MMP2: variants seen among roughly 807,000 people sequenced by gnomAD.
MMP2 encodes the protein 72 kDa type IV collagenase.
A neutral mutation model predicts 74.8 loss-of-function variants in MMP2; 39 were observed. That is an observed-to-expected ratio of 0.52 (90% CI 0.40 to 0.68). The LOEUF (loss-of-function observed/expected upper bound fraction) is 0.68, where lower values mean the gene tolerates loss of function less well. MMP2 is among the 30% of genes least tolerant of loss of function. MMP2 has a pLI of 0.00. For synonymous variants in MMP2, 367 were observed against 339.8 expected (o/e 1.08, Z -0.88); for missense variants, 803 against 878.3 (o/e 0.91, Z 1.08).
Position 55,496,880 on chromosome 16 carries a change from G to C in MMP2, c.1473-46G>C, listed in dbSNP as rs17859972. The stretch of plus-strand genomic sequence containing the variant: ...GGGGGTGTGTGTGGTTCGAGCTGCA[G>C]GGTGACTGAAGATGTGGTTTCCTGT... On this transcript the variant is annotated intron_variant, in intron 9 of 12. Coordinates refer to ENST00000219070, the MANE Select transcript of MMP2 (RefSeq NM_004530.6). The C allele has an allele frequency of 2.5e-6, 4 of 1,610,820 alleles. No homozygotes were observed. In the South Asian group the frequency reaches 4.4e-5, roughly 18 times the overall value.
chr16:55,501,162 CT>C (rs1208183584), intron 11 of MMP2, among the ~76,000 whole-genome samples: 3 of 152,216 alleles, frequency 2.0e-5, no homozygotes. Context: ...CTGTTAGCTC[CT>C]TTTCCCAAGT....
chr16:55,493,840 A>G (rs1567379154), intron 9 of MMP2, among the ~76,000 whole-genome samples: 1 of 152,232 alleles, frequency 6.6e-6, no homozygotes, highest in Non-Finnish European at 1.5e-5. Context: ...TTGCCCTCAA[A>G]TGGCCAAATT....
chr16:55,502,980 G>GGGCA (rs1317518512), intron 12 of MMP2, 92 bp downstream of exon 12: 12 of 1,043,590 alleles, frequency 1.1e-5, no homozygotes, highest in African/African-American at 3.1e-5. Context: ...TTATTGTGCA[G>GGGCA]GGCAGGCAGG....
intron 12 of MMP2, 108 bp downstream of exon 12, chr16:55,502,996 G>C: frequency 1.1e-6 from 1 of 891,384 alleles, no homozygotes; most frequent in Non-Finnish European, 1.8e-6. Context: ...GCAGGCAGGC[G>C]GCGCCCAGGA....
At chr16:55,480,783 C>G (rs1336385977) in intron 1 of MMP2, among the ~76,000 whole-genome samples, 1 of 152,186 alleles carries the variant, frequency 6.6e-6, no homozygotes, top group East Asian at 1.9e-4. Context: ...GACAACTACC[C>G]TCTCCCAACT....
At chr16:55,493,073 G>A in intron 8 of MMP2, 85 bp from the exon 9 acceptor site, 1 of 1,535,894 alleles carries the variant, frequency 6.5e-7, no homozygotes, top group Non-Finnish European at 8.9e-7. Context: ...ACTCTTAGAT[G>A]GTTGGGTGGG....
chr16:55,479,760 TG>T (rs1430737163), intron 1 of MMP2, 128 bp downstream of exon 1: 4 of 1,208,024 alleles, frequency 3.3e-6, no homozygotes, highest in Non-Finnish European at 4.8e-6. Context: ...GTAAACAGCT[TG>T]GGGGGTCTTT....
At chr16:55,483,199 A>G in intron 2 of MMP2, 64 bp downstream of exon 2, 1 of 1,322,218 alleles carries the variant, frequency 7.6e-7, no homozygotes, top group African/African-American at 1.5e-5. Flanking sequence ...TCCTTGACCC[A>G]TGCATTCTCT....
At chr16:55,484,291 C>T in intron 3 of MMP2, 127 bp downstream of exon 3, 1 of 1,169,300 alleles carries the variant, frequency 8.6e-7, no homozygotes, top group Non-Finnish European at 1.2e-6. Flanking sequence ...TGGTGTGGGC[C>T]CTGGGGGTGG....
intron 1 of MMP2, chr16:55,481,478 T>A: frequency 5.3e-6 from 1 of 188,686 alleles, no homozygotes; most frequent in East Asian, 1.3e-4. Flanking sequence ...CATCCTGTTT[T>A]ATCATAGGGG....
At position 55,484,008 on chromosome 16, in the gene MMP2, A is replaced by T; in HGVS notation, c.381-8A>T. On this transcript the variant is annotated splice_region_variant and splice_polypyrimidine_tract_variant and intron_variant, in intron 2 of 12. Transcript: ENST00000219070. ...ATACACACTCACATGCAGTTCTACCACCTCCAGGATCATTGGCTACACACC... is the reference window on the plus strand; with the variant it reads ...ATACACACTCACATGCAGTTCTACCTCCTCCAGGATCATTGGCTACACACC... The T allele has an allele frequency of 6.2e-7, 1 of 1,613,996 alleles. No homozygotes were observed. Among genetic ancestry groups the T allele is most frequent in the Non-Finnish European group, 8.5e-7 (1 of 1,179,942 alleles).
Position 55,505,647 on chromosome 16 carries a change from A to G in MMP2, c.*205A>G. ...AATAGATGCTGACTGTACTCCTCCC[A>G]GGCGCCCCTTCCCCCTCCAATCCCA... On this transcript the variant is annotated 3_prime_UTR_variant, in exon 13 of 13. Transcript: ENST00000219070. 1.7e-6 allele frequency: 1 copy of G among 605,922 alleles called. No individual in the cohort carries two copies. The allele number at this position is 605,922 out of a possible 1,614,324, so 37.5% of individuals were successfully genotyped here.
intron 7 of MMP2, among the ~76,000 whole-genome samples, chr16:55,491,248 C>T (rs12923011): frequency 0.27 from 41,216 of 151,864 alleles, 6,783 homozygotes; most frequent in Non-Finnish European, 0.37. Context: ...TCTGGGGGGA[C>T]GCATTTAACC....
chr16:55,504,382 C>T (rs756379589), intron 12 of MMP2, among the ~76,000 whole-genome samples: 23 of 152,102 alleles, frequency 1.5e-4, no homozygotes, highest in Non-Finnish European at 2.5e-4. Flanking sequence ...ACCTCTGGTA[C>T]ATGGAATGTG....
At position 55,479,319 on chromosome 16, in the gene MMP2, G is replaced by C. The variant is rs1205563473; in HGVS notation, c.-161G>C. On this transcript the variant is annotated 5_prime_UTR_variant, in exon 1 of 13. Coordinates refer to ENST00000219070, the MANE Select transcript of MMP2 (RefSeq NM_004530.6). ...CGGCGGGGGCTGGGGCGCGGGGGCCGGACCATGAGCCGCTGAGCCGGGCAA... is the reference window on the plus strand; with the variant it reads ...CGGCGGGGGCTGGGGCGCGGGGGCCCGACCATGAGCCGCTGAGCCGGGCAA... The C allele has an allele frequency of 1.2e-6, 1 of 816,456 alleles. No homozygotes were observed. Among genetic ancestry groups the C allele is most frequent in the African/African-American group, 1.8e-5 (1 of 55,322 alleles). The allele number at this position is 816,456 out of a possible 1,614,324, so 50.6% of individuals were successfully genotyped here. A position where few individuals can be genotyped will look rare whatever the true frequency, so the allele number is the denominator to read the frequency against.
chr16:55,481,620 C>T, intron 1 of MMP2: 1 of 480,356 alleles, frequency 2.1e-6, no homozygotes, highest in Middle Eastern at 4.8e-4. Flanking sequence ...ACCCAGCCCC[C>T]CACTCAAGAT....
chr16:55,498,597 C>A, intron 11 of MMP2, 149 bp downstream of exon 11: 2 of 981,120 alleles, frequency 2.0e-6, no homozygotes, highest in Non-Finnish European at 3.2e-6. Context: ...TGGTCTCTGG[C>A]ACCTCTGAGA....
chr16:55,484,216 G>A (rs1032463069), intron 3 of MMP2, 52 bp downstream of exon 3: 24 of 1,589,578 alleles, frequency 1.5e-5, no homozygotes, highest in African/African-American at 1.2e-4. Context: ...GTGTTGAGAC[G>A]AGGGGGTGAG....
At chr16:55,488,373 T>C in intron 5 of MMP2, 170 bp from the exon 6 acceptor site, 1 of 685,558 alleles carries the variant, frequency 1.5e-6, no homozygotes, top group Non-Finnish European at 2.5e-6. Context: ...GCAGGGGTTC[T>C]CTCTGGGAGC....
Sources: gnomAD v4.1 joint callset for allele counts (sites outside exome capture counted in the v4.1 genomes callset) on GRCh38, gnomAD v4.1.1 for gene constraint, MANE v1.5 for transcripts, NCBI Gene and HGNC (gene_info 2026-07-23, HGNC 2026-07-21) for gene names.